UVRAG: variants seen among roughly 807,000 people sequenced by gnomAD.
UVRAG encodes the protein UV radiation resistance associated, also known as UV radiation resistance-associated gene protein.
Under a neutral mutation model 78.0 loss-of-function variants are expected in UVRAG, and 19 were observed. The ratio of observed to expected loss-of-function variants is 0.24; its 90% CI spans 0.17 to 0.36. The LOEUF (loss-of-function observed/expected upper bound fraction) is 0.36, where lower values mean the gene tolerates loss of function less well. UVRAG is among the 10% of genes least tolerant of loss of function. The pLI is 1.00. For missense variants in UVRAG, 740 were observed against 853.8 expected (o/e 0.87, Z 1.66); for synonymous variants, 323 against 324.6 (o/e 1.00, Z 0.05).
At chr11:76,035,859 T>C (rs963269178) in intron 12 of UVRAG, among the ~76,000 whole-genome samples, 2 of 152,212 alleles carry the variant, frequency 1.3e-5, no homozygotes, top group African/African-American at 4.8e-5. Flanking sequence ...AAAAATCGCC[T>C]TGTTTCATGC....
intron 1 of UVRAG, among the ~76,000 whole-genome samples, chr11:75,824,142 G>T (rs1385580164): frequency 6.6e-6 from 1 of 152,050 alleles, no homozygotes; most frequent in Non-Finnish European, 1.5e-5. Context: ...ACCATGCCGT[G>T]TACATTCATT....
At chr11:76,051,817 C>G (rs1271012340) in intron 12 of UVRAG, among the ~76,000 whole-genome samples, 1 of 151,984 alleles carries the variant, frequency 6.6e-6, no homozygotes, top group Non-Finnish European at 1.5e-5. Flanking sequence ...TCTCTTTTTT[C>G]TTCCCCCAAA....
At chr11:76,095,150 C>T (rs1951766315) in intron 13 of UVRAG, among the ~76,000 whole-genome samples, 1 of 152,086 alleles carries the variant, frequency 6.6e-6, no homozygotes, top group Non-Finnish European at 1.5e-5. Flanking sequence ...AGAACTGTTG[C>T]CTGGCTCACG....
chr11:76,094,268 T>C lies in UVRAG; in HGVS notation c.1306-21656T>C, dbSNP rs538896844. On this transcript the variant is annotated intron_variant, in intron 13 of 14. Coordinates refer to ENST00000356136, the MANE Select transcript of UVRAG (RefSeq NM_003369.4). ...TGCTGGATTCAGTTTGCCAGTATTT[T>C]ATAGAGGATTTTTGCATCGATGTTC... Among the ~76,000 whole-genome samples the C allele has an allele frequency of 2.6e-5, 4 of 152,336 alleles. No individual in the cohort carries two copies. The South Asian group carries it at 8.3e-4, about 32-fold the overall frequency.
chr11:75,878,912 G>A (rs1323046091), intron 3 of UVRAG, among the ~76,000 whole-genome samples: 4 of 149,388 alleles, frequency 2.7e-5, no homozygotes, highest in African/African-American at 9.9e-5. Context: ...GGAGGGGGAG[G>A]GGGAGGGAGA....
chr11:75,834,516 T>C (rs566838954), intron 1 of UVRAG, among the ~76,000 whole-genome samples: 1 of 152,296 alleles, frequency 6.6e-6, no homozygotes, highest in South Asian at 2.1e-4. Flanking sequence ...AGGGAAACAC[T>C]TTAAGACCAT....
chr11:75,911,661 C>T, intron 5 of UVRAG: 1 of 239,454 alleles, frequency 4.2e-6, no homozygotes, highest in Non-Finnish European at 8.0e-6. Flanking sequence ...TGGGGCGGCA[C>T]CTGCTGGGCT....
chr11:76,124,266 G>A lies in UVRAG; in HGVS notation c.1397+8251G>A, dbSNP rs79673079. ...ACAATTCATTAAGTGTCTATTCTGC[G>A]TATAGCATTGTTCAGGAGACAAAGA... On this transcript the variant is annotated intron_variant, in intron 14 of 14. Coordinates refer to ENST00000356136, the MANE Select transcript of UVRAG (RefSeq NM_003369.4). Among the ~76,000 whole-genome samples the A allele has an allele frequency of 4.1e-3, 621 of 152,318 alleles. 7 individuals carry two copies. Among genetic ancestry groups the A allele is most frequent in the East Asian group, 0.036 (188 of 5,188 alleles).
intron 2 of UVRAG, among the ~76,000 whole-genome samples, chr11:75,856,233 GA>G (rs1946287230): frequency 6.6e-6 from 1 of 152,110 alleles, no homozygotes. Flanking sequence ...TCGATCTCCT[GA>G]CCTCGTGATC....
chr11:76,122,479 G>A (rs1406055103), intron 14 of UVRAG, among the ~76,000 whole-genome samples: 2 of 152,190 alleles, frequency 1.3e-5, no homozygotes, highest in African/African-American at 2.4e-5. Flanking sequence ...TAATAGTGTG[G>A]TCAGAAGAAT....
chr11:76,057,781 C>G (rs1951010349), intron 12 of UVRAG, among the ~76,000 whole-genome samples: 1 of 151,874 alleles, frequency 6.6e-6, no homozygotes, highest in Admixed American at 6.6e-5. Context: ...CTACCAGGTG[C>G]TTTACTTTGG....
chr11:75,857,370 C>G (rs984716245), intron 2 of UVRAG, among the ~76,000 whole-genome samples: 4 of 152,202 alleles, frequency 2.6e-5, no homozygotes, highest in African/African-American at 9.7e-5. Flanking sequence ...GTAGCTGTTG[C>G]TTGAATGCAT....
intron 6 of UVRAG, among the ~76,000 whole-genome samples, chr11:75,937,428 A>G (rs575869851): frequency 1.3e-5 from 2 of 152,238 alleles, no homozygotes; most frequent in Admixed American, 6.5e-5. Flanking sequence ...TGCATTTCTC[A>G]TGGTGCCTTT....
intron 14 of UVRAG, chr11:76,137,535 G>C (rs1952621349): frequency 2.2e-6 from 1 of 452,330 alleles, no homozygotes; most frequent in African/African-American, 2.0e-5. Flanking sequence ...GTGATAAAAA[G>C]GTAAACCTTA....
intron 14 of UVRAG, among the ~76,000 whole-genome samples, chr11:76,126,505 C>T (rs927135460): frequency 6.6e-6 from 1 of 152,226 alleles, no homozygotes; most frequent in African/African-American, 2.4e-5. Flanking sequence ...TCATGGTGGA[C>T]AGCACAGTCC....
intron 4 of UVRAG, among the ~76,000 whole-genome samples, chr11:75,881,930 G>A (rs571643775): frequency 7.2e-5 from 11 of 152,126 alleles, no homozygotes; most frequent in Admixed American, 6.5e-4. Flanking sequence ...CACAGCTGGA[G>A]CTAAGATTTA....
intron 1 of UVRAG, among the ~76,000 whole-genome samples, chr11:75,839,345 A>G (rs1317684680): frequency 1.3e-5 from 2 of 151,884 alleles, no homozygotes; most frequent in Non-Finnish European, 2.9e-5. Flanking sequence ...TTTCTTTTAT[A>G]GCTTCTGAAT....
At chr11:75,842,790 T>C (rs188171415) in intron 1 of UVRAG, among the ~76,000 whole-genome samples, 13 of 152,318 alleles carry the variant, frequency 8.5e-5, no homozygotes, top group African/African-American at 3.1e-4. Context: ...CTCTAGGTTA[T>C]TGATTATTGG....
At chr11:75,882,153 A>G (rs1946960498) in intron 4 of UVRAG, among the ~76,000 whole-genome samples, 1 of 152,202 alleles carries the variant, frequency 6.6e-6, no homozygotes, top group Non-Finnish European at 1.5e-5. Context: ...TATTCAATAT[A>G]ATACTTTCTG....
Sources: allele counts gnomAD v4.1 joint callset (sites outside exome capture counted in the v4.1 genomes callset), GRCh38; gene constraint gnomAD v4.1.1; transcripts MANE v1.5; gene names NCBI Gene and HGNC (gene_info 2026-07-23, HGNC 2026-07-21).